EGFLAM: variants seen among roughly 807,000 people sequenced by gnomAD.
EGFLAM encodes the protein pikachurin.
Under a neutral mutation model 113.1 loss-of-function variants are expected in EGFLAM, and 79 were observed. The observed-to-expected ratio is 0.70, with a 90% CI of 0.58 to 0.84. The LOEUF is 0.84. Ranked by LOEUF, EGFLAM falls within the 40% of genes least tolerant of loss-of-function variation. EGFLAM has a pLI of 0.00. For missense variants in EGFLAM, 1,265 were observed against 1,291.6 expected (o/e 0.98, Z 0.32); for synonymous variants, 504 against 487.6 (o/e 1.03, Z -0.44).
intron 6 of EGFLAM, among the ~76,000 whole-genome samples, chr5:38,400,560 C>T (rs1173071741): frequency 6.6e-6 from 1 of 152,154 alleles, no homozygotes; most frequent in Non-Finnish European, 1.5e-5. Flanking sequence ...GTAAAAACTT[C>T]CTGTAAGCTG....
chr5:38,352,114 G>A, intron 4 of EGFLAM, 82 bp from the exon 5 acceptor site: 3 of 1,587,028 alleles, frequency 1.9e-6, no homozygotes, highest in Non-Finnish European at 2.6e-6. Context: ...TCCAATGGCT[G>A]AGACCACCAG....
chr5:38,277,996 A>G (rs1390312678), intron 1 of EGFLAM, among the ~76,000 whole-genome samples: 2 of 152,092 alleles, frequency 1.3e-5, no homozygotes, highest in Admixed American at 6.5e-5. Context: ...TGCAATCCCT[A>G]TCAATATACC....
At chr5:38,427,476 A>C in intron 14 of EGFLAM, 5 of 602,498 alleles carry the variant, frequency 8.3e-6, no homozygotes, top group Non-Finnish European at 1.4e-5. Context: ...TAACTACCCA[A>C]CAGGTAGCAA....
chr5:38,285,904 G>A (rs919330654), intron 1 of EGFLAM: 3 of 151,042 alleles, frequency 2.0e-5, no homozygotes, highest in Non-Finnish European at 4.4e-5. Context: ...ACAACTTGTG[G>A]GAATTACAAT....
intron 5 of EGFLAM, among the ~76,000 whole-genome samples, chr5:38,364,834 A>T (rs887148047): frequency 6.6e-6 from 1 of 152,158 alleles, no homozygotes; most frequent in African/African-American, 2.4e-5. Context: ...TGTTTATGAG[A>T]TGATGTTTAG....
At chr5:38,331,917 A>C (rs1739053027) in intron 1 of EGFLAM, among the ~76,000 whole-genome samples, 1 of 152,272 alleles carries the variant, frequency 6.6e-6, no homozygotes, top group Middle Eastern at 3.4e-3. Context: ...TGTGGACGTA[A>C]GTTTTTGACT....
intron 6 of EGFLAM, among the ~76,000 whole-genome samples, chr5:38,373,170 C>T (rs757606625): frequency 6.6e-6 from 1 of 152,142 alleles, no homozygotes; most frequent in Non-Finnish European, 1.5e-5. Context: ...CCATTTAATC[C>T]TCACAGAAAC....
intron 6 of EGFLAM, among the ~76,000 whole-genome samples, chr5:38,398,389 A>G (rs1214306395): frequency 6.6e-6 from 1 of 152,242 alleles, no homozygotes; most frequent in Non-Finnish European, 1.5e-5. Flanking sequence ...TGGTGGGAGA[A>G]TTACATTTAT....
intron 5 of EGFLAM, among the ~76,000 whole-genome samples, chr5:38,357,550 C>T (rs1739794698): frequency 6.6e-6 from 1 of 152,144 alleles, no homozygotes; most frequent in Admixed American, 6.5e-5. Flanking sequence ...ATTCCTTTTT[C>T]TACTTCCTGT....
chr5:38,412,397 G>A (rs1741508274), intron 10 of EGFLAM, 107 bp from the exon 11 acceptor site: 1 of 1,539,858 alleles, frequency 6.5e-7, no homozygotes, highest in African/African-American at 1.4e-5. Context: ...ACTCTGAACA[G>A]ACTGACTCTG....
intron 6 of EGFLAM, among the ~76,000 whole-genome samples, chr5:38,404,618 T>A (rs1342509866): frequency 6.6e-6 from 1 of 152,244 alleles, no homozygotes; most frequent in Non-Finnish European, 1.5e-5. Flanking sequence ...GTTTAGTTTA[T>A]GTTTTTTATG....
At chr5:38,413,054 C>G (rs1050373509) in intron 11 of EGFLAM, among the ~76,000 whole-genome samples, 4 of 152,110 alleles carry the variant, frequency 2.6e-5, no homozygotes, top group Admixed American at 2.6e-4. Context: ...CAGGGTCTCA[C>G]TCTGTCCCCC....
intron 1 of EGFLAM, chr5:38,284,010 G>C (rs952124375): frequency 4.6e-5 from 7 of 152,406 alleles, no homozygotes; most frequent in Non-Finnish European, 1.0e-4. Flanking sequence ...AGAAAGGCAG[G>C]GGTGTCAGCG....
chr5:38,331,069 T>G (rs1255043048), intron 1 of EGFLAM, among the ~76,000 whole-genome samples: 2 of 152,176 alleles, frequency 1.3e-5, no homozygotes, highest in African/African-American at 4.8e-5. Flanking sequence ...TTTAACCTAT[T>G]TTTTATCAAA....
At chr5:38,306,003 G>A (rs1370499201) in intron 1 of EGFLAM, among the ~76,000 whole-genome samples, 1 of 152,166 alleles carries the variant, frequency 6.6e-6, no homozygotes, top group Non-Finnish European at 1.5e-5. Flanking sequence ...TGGGTTATGT[G>A]AGCCAAGAGG....
intron 1 of EGFLAM, among the ~76,000 whole-genome samples, chr5:38,320,344 G>A (rs966024422): frequency 3.3e-5 from 5 of 152,126 alleles, no homozygotes; most frequent in African/African-American, 4.8e-5. Flanking sequence ...AACAGGGTGG[G>A]GTCCAGCAGG....
At chr5:38,333,972 G>A (rs2111934635) in intron 1 of EGFLAM, among the ~76,000 whole-genome samples, 1 of 128,572 alleles carries the variant, frequency 7.8e-6, no homozygotes, top group South Asian at 2.4e-4. Flanking sequence ...CACCTAGGCT[G>A]GAATGCAGTG....
chr5:38,328,261 C>T (rs530589704), intron 1 of EGFLAM, among the ~76,000 whole-genome samples: 1 of 152,264 alleles, frequency 6.6e-6, no homozygotes, highest in East Asian at 1.9e-4. Flanking sequence ...AGAACCAGAT[C>T]TTACGAGAAC....
intron 6 of EGFLAM, among the ~76,000 whole-genome samples, chr5:38,374,064 C>G (rs1282482144): frequency 2.0e-5 from 3 of 152,176 alleles, no homozygotes; most frequent in Non-Finnish European, 4.4e-5. Flanking sequence ...TTTGACTAGT[C>G]ATTCTGATTG....
Sources: gnomAD v4.1 joint callset for allele counts (sites outside exome capture counted in the v4.1 genomes callset) on GRCh38, gnomAD v4.1.1 for gene constraint, MANE v1.5 for transcripts, NCBI Gene and HGNC (gene_info 2026-07-23, HGNC 2026-07-21) for gene names.